The following CDH13 variants were observed in gnomAD, a reference collection of about 807,000 sequenced individuals.
CDH13 encodes the protein cadherin-13.
Under a neutral mutation model 63.8 loss-of-function variants are expected in CDH13, and 24 were observed. The ratio of observed to expected loss-of-function variants is 0.38; its 90% CI spans 0.27 to 0.53. The LOEUF (loss-of-function observed/expected upper bound fraction) is 0.53, where lower values mean the gene tolerates loss of function less well. CDH13 is among the 20% of genes least tolerant of loss of function. CDH13 has a pLI of 0.85. For missense variants in CDH13, 1,049 were observed against 903.1 expected (o/e 1.16, Z -2.07); for synonymous variants, 503 against 355.3 (o/e 1.42, Z -4.67).
chr16:83,178,302 C>A (rs2038210258), intron 4 of CDH13, among the ~76,000 whole-genome samples: 1 of 152,124 alleles, frequency 6.6e-6, no homozygotes, highest in South Asian at 2.1e-4. Flanking sequence ...CCAGCTGCGA[C>A]AACTAAAAAT....
At chr16:83,477,166 A>T (rs553272552) in intron 6 of CDH13, among the ~76,000 whole-genome samples, 1 of 152,380 alleles carries the variant, frequency 6.6e-6, no homozygotes, top group East Asian at 1.9e-4. Context: ...ACCTGAAATA[A>T]TCACAAGGTG....
At chr16:83,656,360 C>T (rs1043397634) in intron 8 of CDH13, among the ~76,000 whole-genome samples, 1 of 152,026 alleles carries the variant, frequency 6.6e-6, no homozygotes, top group African/African-American at 2.4e-5. Context: ...GGTGGAAAGG[C>T]CTCTGTTTCG....
At chr16:82,818,276 C>T (rs952687196) in intron 1 of CDH13, among the ~76,000 whole-genome samples, 31 of 152,066 alleles carry the variant, frequency 2.0e-4, no homozygotes, top group Admixed American at 1.6e-3. Flanking sequence ...TGAAGTTGCC[C>T]GGCCAAGGTC....
intron 5 of CDH13, among the ~76,000 whole-genome samples, chr16:83,252,608 G>A (rs954844517): frequency 1.1e-4 from 16 of 152,254 alleles, no homozygotes; most frequent in South Asian, 2.1e-4. Context: ...AGTGCTGGCC[G>A]TTGGTGTCTC....
chr16:82,945,968 T>C (rs924777985), intron 2 of CDH13, among the ~76,000 whole-genome samples: 2 of 152,142 alleles, frequency 1.3e-5, no homozygotes, highest in Non-Finnish European at 2.9e-5. Flanking sequence ...GGAGGAAGGA[T>C]GTGGTCTTCA....
intron 5 of CDH13, among the ~76,000 whole-genome samples, chr16:83,237,662 G>A (rs981386458): frequency 1.3e-5 from 2 of 152,112 alleles, no homozygotes; most frequent in African/African-American, 4.8e-5. Flanking sequence ...GCATCACGTG[G>A]GCCTATGTTT....
rs140299397 is a variant in CDH13 at position 83,060,241 on chromosome 16, C to G, written c.366+28023C>G. Reference sequence around the variant, plus strand: ...ATATAAAGCAGATGTATTTTGTTGCCACAACTTCTTTGGTTCAAATTAAAG... The same window carrying G: ...ATATAAAGCAGATGTATTTTGTTGCGACAACTTCTTTGGTTCAAATTAAAG... On this transcript the variant is annotated intron_variant, in intron 3 of 13. Coordinates refer to ENST00000567109, the MANE Select transcript of CDH13 (RefSeq NM_001257.5). Among the ~76,000 whole-genome samples, 254 of 152,156 alleles carry G rather than the reference C, an allele frequency of 1.7e-3. 2 individuals are homozygous for G. Among genetic ancestry groups the G allele is most frequent in the African/African-American group, 6.0e-3 (248 of 41,506 alleles).
chr16:83,116,998 G>A (rs1037216051), intron 3 of CDH13, among the ~76,000 whole-genome samples: 2 of 152,186 alleles, frequency 1.3e-5, no homozygotes, highest in Non-Finnish European at 2.9e-5. Flanking sequence ...GCAAATCATC[G>A]TAGGACGATG....
At chr16:83,283,615 T>G (rs1232904683) in intron 5 of CDH13, among the ~76,000 whole-genome samples, 1 of 152,098 alleles carries the variant, frequency 6.6e-6, no homozygotes, top group Non-Finnish European at 1.5e-5. Context: ...CCACAGGAGA[T>G]TGTAATGTGC....
At chr16:83,571,106 A>G (rs1484852896) in intron 7 of CDH13, among the ~76,000 whole-genome samples, 2 of 151,574 alleles carry the variant, frequency 1.3e-5, no homozygotes, top group African/African-American at 4.8e-5. Context: ...ACATGCACAT[A>G]TTTCCACAAA....
At chr16:83,630,377 G>A (rs75323098) in intron 8 of CDH13, among the ~76,000 whole-genome samples, 3 of 152,286 alleles carry the variant, frequency 2.0e-5, no homozygotes, top group Non-Finnish European at 4.4e-5. Context: ...CTGATGACAC[G>A]TGCCCGAGGT....
At chr16:83,159,331 C>G (rs2037348850) in intron 4 of CDH13, among the ~76,000 whole-genome samples, 2 of 152,200 alleles carry the variant, frequency 1.3e-5, no homozygotes, top group African/African-American at 4.8e-5. Context: ...GAGATTATTA[C>G]AAAGCCTGCA....
intron 5 of CDH13, among the ~76,000 whole-genome samples, chr16:83,244,891 G>C (rs1200243046): frequency 6.6e-6 from 1 of 152,112 alleles, no homozygotes; most frequent in Non-Finnish European, 1.5e-5. Flanking sequence ...GGCACCCTTT[G>C]CCTGATAGGT....
intron 4 of CDH13, among the ~76,000 whole-genome samples, chr16:83,171,883 A>C (rs1033388750): frequency 6.6e-6 from 1 of 152,140 alleles, no homozygotes; most frequent in African/African-American, 2.4e-5. Context: ...AATGCTATCA[A>C]CTTTCTCAAA....
rs1237007638 is a variant in CDH13, at chr16:83,505,020, G to A, written c.960+18365G>A. ...AAGAGAGGATGGGAGGGGTCTGAGA[G>A]CATTGATGCCTCATCATAGTCAGCC... On this transcript the variant is annotated intron_variant, in intron 7 of 13. Transcript: ENST00000567109. 2.0e-5 allele frequency among the ~76,000 whole-genome samples: 3 copies of A among 152,122 alleles called. No homozygotes were observed. In the East Asian group the frequency reaches 5.8e-4, roughly 29 times the overall value.
At chr16:83,696,918 G>C (rs1419819797) in intron 10 of CDH13, among the ~76,000 whole-genome samples, 1 of 152,064 alleles carries the variant, frequency 6.6e-6, no homozygotes, top group Non-Finnish European at 1.5e-5. Context: ...GTAAAACCCA[G>C]ACCCCCTGCC....
chr16:83,136,776 C>T (rs1174689099), intron 4 of CDH13, among the ~76,000 whole-genome samples: 3 of 152,120 alleles, frequency 2.0e-5, no homozygotes, highest in African/African-American at 4.8e-5. Flanking sequence ...AGGGATGTTC[C>T]GCAGCCTGAA....
At chr16:83,535,306 G>T (rs1378754808) in intron 7 of CDH13, among the ~76,000 whole-genome samples, 4 of 152,192 alleles carry the variant, frequency 2.6e-5, no homozygotes, top group Non-Finnish European at 4.4e-5. Flanking sequence ...AGCATCCAAA[G>T]GACAAAGAGA....
intron 7 of CDH13, among the ~76,000 whole-genome samples, chr16:83,517,890 C>T (rs1261920972): frequency 1.3e-5 from 2 of 152,092 alleles, no homozygotes; most frequent in African/African-American, 2.4e-5. Context: ...ATTTAATTTT[C>T]ACAGCAACTC....
Sources: allele counts gnomAD v4.1 joint callset (sites outside exome capture counted in the v4.1 genomes callset), GRCh38; gene constraint gnomAD v4.1.1; transcripts MANE v1.5; gene names NCBI Gene and HGNC (gene_info 2026-07-23, HGNC 2026-07-21).